Variants in PSMD14 observed in about 807,000 individuals in gnomAD.
PSMD14 encodes the protein proteasome 26S subunit, non-ATPase 14.
In PSMD14, 7 loss-of-function variants were observed where a neutral mutation model predicts 41.2. The ratio of observed to expected loss-of-function variants is 0.17; its 90% CI spans 0.10 to 0.32. The LOEUF (loss-of-function observed/expected upper bound fraction) is 0.32, where lower values mean the gene tolerates loss of function less well. Among genes scored for constraint, PSMD14 ranks in the 10% least tolerant of loss-of-function variants. The probability of loss-of-function intolerance (pLI) is 1.00; values close to 1 mark genes in which losing one functional copy is unlikely to be tolerated. For synonymous variants in PSMD14, 114 were observed against 122.3 expected, an observed-to-expected ratio of 0.93 and a Z score of 0.45; for missense variants, 139 against 375.6, an observed-to-expected ratio of 0.37 and a Z score of 5.21.
intron 3 of PSMD14, among the ~76,000 whole-genome samples, chr2:161,352,570 A>G (rs1208488341): frequency 6.6e-6 from 1 of 152,200 alleles, no homozygotes; most frequent in Non-Finnish European, 1.5e-5. Flanking sequence ...CTAGGACCAC[A>G]TCTAACTGGT....
At chr2:161,315,566 G>A (rs1283416804) in intron 1 of PSMD14, among the ~76,000 whole-genome samples, 1 of 152,034 alleles carries the variant, frequency 6.6e-6, no homozygotes, top group Non-Finnish European at 1.5e-5. Context: ...CAATAAAAAT[G>A]GAAGGATGAT....
chr2:161,368,022 TAA>T (rs1683382544), intron 5 of PSMD14, 119 bp downstream of exon 5: 8 of 1,202,668 alleles, frequency 6.7e-6, no homozygotes, highest in Non-Finnish European at 9.0e-6. Context: ...AAATTAATCA[TAA>T]GTTTGATAGA....
intron 3 of PSMD14, among the ~76,000 whole-genome samples, chr2:161,342,669 TTAAG>T (rs1278154367): frequency 2.0e-5 from 3 of 152,126 alleles, no homozygotes; most frequent in Non-Finnish European, 2.9e-5. Flanking sequence ...ATTCAGATAT[TTAAG>T]TAATTTACAT....
intron 8 of PSMD14, among the ~76,000 whole-genome samples, chr2:161,390,777 A>G (rs1394266396): frequency 6.6e-6 from 1 of 152,162 alleles, no homozygotes; most frequent in Non-Finnish European, 1.5e-5. Flanking sequence ...AGATATCATA[A>G]AGTTAGATTT....
At chr2:161,343,369 G>A (rs1325415485) in intron 3 of PSMD14, among the ~76,000 whole-genome samples, 1 of 152,204 alleles carries the variant, frequency 6.6e-6, no homozygotes, top group Non-Finnish European at 1.5e-5. Flanking sequence ...GTTCATCCAT[G>A]TTGTAGTATG....
rs554522828 is a variant in PSMD14, at chr2:161,357,019, GC to G, written c.49-10457del. Among the ~76,000 whole-genome samples, 188 of 146,386 alleles carry G rather than the reference GC, an allele frequency of 1.3e-3. 1 individual carries two copies. Among genetic ancestry groups the G allele is most frequent in the African/African-American group, 4.6e-3 (181 of 39,474 alleles). On this transcript the variant is annotated intron_variant, in intron 3 of 11. Coordinates refer to ENST00000409682, the MANE Select transcript of PSMD14 (RefSeq NM_005805.6). Reference sequence around the variant, plus strand: ...ATAGTGTTAACAAATTTGTTAAAAGGCCTGAGTAGGTAACACTTTGAGGCAT... The same window carrying G: ...ATAGTGTTAACAAATTTGTTAAAAGGCTGAGTAGGTAACACTTTGAGGCAT...
At chr2:161,395,900 C>T (rs1165269119) in intron 10 of PSMD14, among the ~76,000 whole-genome samples, 1 of 152,090 alleles carries the variant, frequency 6.6e-6, no homozygotes, top group Non-Finnish European at 1.5e-5. Context: ...ACCATAACAC[C>T]TTCATATTCA....
chr2:161,385,192 T>C (rs1574137721), intron 7 of PSMD14: 2 of 219,578 alleles, frequency 9.1e-6, no homozygotes, highest in East Asian at 1.8e-4. Flanking sequence ...AGTTTAGTAA[T>C]GACATATTTC....
Position 161,318,888 on chromosome 2 carries a change from T to C in PSMD14, c.48+15T>C, listed in dbSNP as rs1454407983. 6.2e-7 allele frequency: 1 copy of C among 1,604,362 alleles called. No homozygotes were observed. The highest frequency in any genetic ancestry group is 8.5e-7 in the Non-Finnish European group (1 of 1,172,960). The stretch of plus-strand genomic sequence containing the variant: ...GACTGGGCCAGGTTAGTATATAGTC[T>C]CTTGAGCATTTCCTTGTGTGTAAAC... On this transcript the variant is annotated intron_variant, in intron 3 of 11. Transcript: ENST00000409682.
chr2:161,410,313 TA>T (rs1007633014), intron 11 of PSMD14, among the ~76,000 whole-genome samples: 15 of 151,152 alleles, frequency 9.9e-5, no homozygotes, highest in South Asian at 4.2e-4. Flanking sequence ...CTGGGTTGTT[TA>T]AAAAAAAATA....
chr2:161,313,395 G>A (rs1423071494), intron 1 of PSMD14, among the ~76,000 whole-genome samples: 1 of 152,054 alleles, frequency 6.6e-6, no homozygotes, highest in African/African-American at 2.4e-5. Flanking sequence ...TGTCGCCCAG[G>A]CTGGAGTGCA....
At chr2:161,356,519 G>C (rs898642492) in intron 3 of PSMD14, among the ~76,000 whole-genome samples, 4 of 151,564 alleles carry the variant, frequency 2.6e-5, no homozygotes, top group African/African-American at 9.7e-5. Context: ...ATTTGTTGAG[G>C]GTTATATTAG....
chr2:161,378,584 A>G (rs554956271), intron 7 of PSMD14, among the ~76,000 whole-genome samples: 1 of 152,060 alleles, frequency 6.6e-6, no homozygotes, highest in Admixed American at 6.6e-5. Context: ...ATATTCAGTG[A>G]CGAATGAGAC....
chr2:161,394,763 T>C (rs760373650), intron 9 of PSMD14, among the ~76,000 whole-genome samples: 1 of 152,150 alleles, frequency 6.6e-6, no homozygotes, highest in Non-Finnish European at 1.5e-5. Flanking sequence ...TTTAAGGTAG[T>C]GTAGTGTGAC....
At position 161,385,513 on chromosome 2, in the gene PSMD14, G is replaced by T; in HGVS notation, c.512G>T (p.Gly171Val). The T allele has an allele frequency of 6.2e-7, 1 of 1,609,904 alleles. No homozygotes were observed. Among genetic ancestry groups the T allele is most frequent in the Non-Finnish European group, 8.5e-7 (1 of 1,177,302 alleles). ...RLINANMMVLGHEPRQTTSNL... is the reference protein window; with the variant it reads ...RLINANMMVLVHEPRQTTSNL... ...ATCAATGCTAATATGATGGTCTTAG[G>T]ACATGAACCAAGACAAACAACTTCG... Residue 171 changes from glycine to valine, a missense_variant, in exon 8 of 12, where the codon GGA becomes GTA. Gly to Val is a moderately radical substitution (Grantham distance 109, BLOSUM62 -3). Coordinates refer to ENST00000409682, the MANE Select transcript of PSMD14 (RefSeq NM_005805.6).
At chr2:161,350,529 A>C (rs1221891774) in intron 3 of PSMD14, among the ~76,000 whole-genome samples, 1 of 152,232 alleles carries the variant, frequency 6.6e-6, no homozygotes, top group Non-Finnish European at 1.5e-5. Context: ...CTAACCAGCC[A>C]TTTGCAGACA....
intron 9 of PSMD14, among the ~76,000 whole-genome samples, chr2:161,392,941 T>A (rs1683733607): frequency 6.6e-6 from 1 of 152,176 alleles, no homozygotes; most frequent in Non-Finnish European, 1.5e-5. Flanking sequence ...CTTTCTTTTT[T>A]TTTGGGGAGT....
intron 3 of PSMD14, among the ~76,000 whole-genome samples, chr2:161,330,285 T>C (rs541164155): frequency 7.2e-4 from 110 of 152,300 alleles, no homozygotes; most frequent in Middle Eastern, 3.4e-3. Flanking sequence ...TCTGATACCA[T>C]TTTTGGTAGA....
chr2:161,315,905 G>A (rs1044650988), intron 1 of PSMD14, among the ~76,000 whole-genome samples: 8 of 146,504 alleles, frequency 5.5e-5, no homozygotes, highest in African/African-American at 7.6e-5. Context: ...GTGCAATGGC[G>A]CGTTCTCGGC....
Sources: allele counts gnomAD v4.1 joint callset (sites outside exome capture counted in the v4.1 genomes callset), GRCh38; gene constraint gnomAD v4.1.1; transcripts MANE v1.5; gene names NCBI Gene and HGNC (gene_info 2026-07-23, HGNC 2026-07-21).